Variants in TCF20 observed in about 807,000 individuals in gnomAD.
TCF20 encodes transcription factor 20, also known as SPRE-binding protein.
A neutral mutation model predicts 148.6 loss-of-function variants in TCF20; 3 were observed. The observed-to-expected ratio is 0.02, with a 90% CI of 0.01 to 0.05. The LOEUF (loss-of-function observed/expected upper bound fraction) is 0.05. Among genes scored for constraint, TCF20 ranks in the 10% least tolerant of loss-of-function variants. The pLI is 1.00. For synonymous variants in TCF20, 1,049 were observed against 909.5 expected (o/e 1.15, Z -2.76); for missense variants, 2,350 against 2,429.3 (o/e 0.97, Z 0.69).
At chr22:42,324,272 G>A (rs1164027001) in intron 1 of TCF20, among the ~76,000 whole-genome samples, 1 of 149,080 alleles carries the variant, frequency 6.7e-6, no homozygotes, top group Non-Finnish European at 1.5e-5. Flanking sequence ...AGGGAACAAA[G>A]GAAAGAGGGT....
intron 1 of TCF20, among the ~76,000 whole-genome samples, chr22:42,225,910 A>C (rs1036498207): frequency 6.6e-6 from 1 of 152,212 alleles, no homozygotes; most frequent in Non-Finnish European, 1.5e-5. Context: ...AATCAGGCCT[A>C]AAGTCAGCTG....
At position 42,281,442 on chromosome 22, in the gene TCF20, G is replaced by A. The variant is rs1271679129; in HGVS notation, c.-37+2385C>T. ...GGCTCCCCCAGCCAGTGAAACAAGG[G>A]CCCCACTTCCACTGTCGCCGCCTCT... On this transcript the variant is annotated intron_variant, in intron 1 of 5. Transcript: ENST00000359486. Among the ~76,000 whole-genome samples the A allele has an allele frequency of 2.6e-4, 40 of 152,192 alleles. 1 individual carries two copies.
chr22:42,188,325 G>C (rs58236065), intron 2 of TCF20, among the ~76,000 whole-genome samples: 7 of 55,260 alleles, frequency 1.3e-4, no homozygotes, highest in African/African-American at 3.2e-4. Flanking sequence ...AAAAAATCCA[G>C]ATTCTCACCC....
In TCF20 at chr22:42,210,819, T is replaced by G. The variant is rs1920941335; in HGVS notation, c.4487A>C (p.Asn1496Thr). The G allele has an allele frequency of 6.2e-7, 1 of 1,614,084 alleles. No homozygotes were observed. Residue 1496 changes from asparagine to threonine, a missense_variant, in exon 2 of 6, where the codon AAT becomes ACT. Physicochemically the swap from Asn to Thr is moderately conservative, Grantham distance 65. Coordinates refer to ENST00000677622, the MANE Select transcript of TCF20 (RefSeq NM_001378418.1). This position sits in a 1 kb window ranked among gnomAD's most constrained non-coding sequence, Gnocchi z 4.7. ...TAPLIFPDSKNVPPVGILAPE... is the reference protein window; with the variant it reads ...TAPLIFPDSKTVPPVGILAPE... Reference sequence around the variant, plus strand: ...GGCCAATATGCCCACTGGAGGTACATTCTTTGAGTCTGGAAAGATTAAAGG... The same window carrying G: ...GGCCAATATGCCCACTGGAGGTACAGTCTTTGAGTCTGGAAAGATTAAAGG...
At chr22:42,294,325 C>T (rs1164840142) in intron 1 of TCF20, among the ~76,000 whole-genome samples, 1 of 152,246 alleles carries the variant, frequency 6.6e-6, no homozygotes, top group East Asian at 1.9e-4. Context: ...ACAGATAATT[C>T]TCTTGCTCTC....
chr22:42,267,730 G>A (rs1926365285), intron 1 of TCF20, among the ~76,000 whole-genome samples: 1 of 151,812 alleles, frequency 6.6e-6, no homozygotes, highest in East Asian at 2.0e-4. Flanking sequence ...GTTTACTTGT[G>A]TGATAGGCCT....
chr22:42,227,298 A>G (rs781208671), intron 1 of TCF20, among the ~76,000 whole-genome samples: 2 of 152,196 alleles, frequency 1.3e-5, no homozygotes, highest in African/African-American at 2.4e-5. Context: ...GTAATTTTAA[A>G]TTACTTCAAA....
At chr22:42,332,856 A>C (rs1214128745) in intron 1 of TCF20, among the ~76,000 whole-genome samples, 1 of 152,248 alleles carries the variant, frequency 6.6e-6, no homozygotes, top group Non-Finnish European at 1.5e-5. Context: ...TATAAAGTGC[A>C]GAGATGGACA....
intron 1 of TCF20, among the ~76,000 whole-genome samples, chr22:42,305,823 T>A (rs1251751679): frequency 2.3e-5 from 3 of 130,708 alleles, no homozygotes; most frequent in Non-Finnish European, 1.6e-5. Flanking sequence ...CCCCACCCCA[T>A]CTCCATCCTC....
intron 1 of TCF20, among the ~76,000 whole-genome samples, chr22:42,258,845 TAAG>T (rs1925883289): frequency 6.6e-6 from 1 of 152,154 alleles, no homozygotes; most frequent in Non-Finnish European, 1.5e-5. Flanking sequence ...TGTAACTCCA[TAAG>T]AAGTATTTAT....
intron 1 of TCF20, among the ~76,000 whole-genome samples, chr22:42,233,618 G>A (rs143914940): frequency 6.6e-6 from 1 of 152,154 alleles, no homozygotes; most frequent in Non-Finnish European, 1.5e-5. Flanking sequence ...CCCCCACAGC[G>A]TGGGACCTTA....
rs1372149355 is a variant in TCF20 at position 42,197,916 on chromosome 22, G to C, written c.5655+11735C>G. Among the ~76,000 whole-genome samples the C allele has an allele frequency of 3.9e-5, 6 of 152,170 alleles. No individual in the cohort carries two copies. The South Asian group carries it at 1.0e-3, about 26-fold the overall frequency. On this transcript the variant is annotated intron_variant, in intron 2 of 5. Transcript: ENST00000677622. Reference sequence around the variant, plus strand: ...GTAAACAGGCTCACCTGTCCTCATGGATGCTCATGCCTTGTTATGACCCTT... The same window carrying C: ...GTAAACAGGCTCACCTGTCCTCATGCATGCTCATGCCTTGTTATGACCCTT...
intron 1 of TCF20, among the ~76,000 whole-genome samples, chr22:42,302,107 G>A (rs182063260): frequency 1.1e-4 from 17 of 152,340 alleles, no homozygotes; most frequent in Admixed American, 5.9e-4. Context: ...TGGGACAGGA[G>A]GCAAAGGGGC....
chr22:42,174,843 G>T (rs1018857460), intron 3 of TCF20, among the ~76,000 whole-genome samples: 1 of 151,970 alleles, frequency 6.6e-6, no homozygotes, highest in Non-Finnish European at 1.5e-5. Flanking sequence ...AGACCATCCC[G>T]GCTAACACGG....
In TCF20 at chr22:42,160,717, C is replaced by G. The variant is rs377431717; in HGVS notation, c.*686G>C. On this transcript the variant is annotated 3_prime_UTR_variant, in exon 6 of 6. Transcript: ENST00000677622. Reference sequence around the variant, plus strand: ...ATTTTTGTGTTTAAACATCATTCCCCTACTCTTGAAAACATGGACCATCCC... The same window carrying G: ...ATTTTTGTGTTTAAACATCATTCCCGTACTCTTGAAAACATGGACCATCCC... The G allele has an allele frequency of 2.6e-5, 4 of 152,264 alleles. No homozygotes were observed. The highest frequency in any genetic ancestry group is 4.4e-5 in the Non-Finnish European group (3 of 68,020). 9.4% of individuals were successfully genotyped at this position (152,264 alleles called of 1,614,324 possible).
At chr22:42,298,765 C>CA in intron 1 of TCF20, among the ~76,000 whole-genome samples, 1 of 152,352 alleles carries the variant, frequency 6.6e-6, no homozygotes. Context: ...ACCTAGATGA[C>CA]AAATTTGACC....
chr22:42,295,914 C>T (rs888803336), intron 1 of TCF20, among the ~76,000 whole-genome samples: 5 of 152,218 alleles, frequency 3.3e-5, no homozygotes, highest in Admixed American at 2.0e-4. Flanking sequence ...TTCCACACAG[C>T]GTGACCAGTT....
At chr22:42,268,410 G>A (rs1275844671) in intron 1 of TCF20, among the ~76,000 whole-genome samples, 2 of 152,194 alleles carry the variant, frequency 1.3e-5, no homozygotes, top group African/African-American at 2.4e-5. Context: ...CCAGTAAGGA[G>A]AAAGTTGGGG....
intron 1 of TCF20, chr22:42,277,024 T>A (rs1292708207): frequency 6.6e-6 from 1 of 152,186 alleles, no homozygotes; most frequent in Non-Finnish European, 1.5e-5. Flanking sequence ...TTTATTCCTA[T>A]CAGCCTGGAA....
Sources: gnomAD v4.1 joint callset for allele counts (sites outside exome capture counted in the v4.1 genomes callset) on GRCh38, gnomAD v4.1.1 for gene constraint, Gnocchi (gnomAD v3.1) non-coding constraint, MANE v1.5 for transcripts, NCBI Gene and HGNC (gene_info 2026-07-23, HGNC 2026-07-21) for gene names.